The following LINGO2 variants were observed in gnomAD, a reference collection of about 807,000 sequenced individuals.
The protein encoded by LINGO2 is leucine rich repeat and Ig domain containing 2.
In LINGO2, 14 loss-of-function variants were observed where a neutral mutation model predicts 30.6. The ratio of observed to expected loss-of-function variants is 0.46; its 90% CI spans 0.30 to 0.72. The LOEUF (loss-of-function observed/expected upper bound fraction) is 0.72, where lower values mean the gene tolerates loss of function less well. LINGO2 is among the 30% of genes least tolerant of loss of function. The pLI, the probability that LINGO2 is intolerant of heterozygous loss-of-function variation, is 0.07. For missense variants in LINGO2, 729 were observed against 751.7 expected (o/e 0.97, Z 0.35); for synonymous variants, 317 against 288.5 (o/e 1.10, Z -1.00).
chr9:28,083,218 C>G (rs918306921), intron 4 of LINGO2, among the ~76,000 whole-genome samples: 3 of 152,160 alleles, frequency 2.0e-5, no homozygotes, highest in Non-Finnish European at 4.4e-5. Flanking sequence ...GGGCAGGAAG[C>G]CTGAGTGTTT....
the LINGO2 span, among the ~76,000 whole-genome samples, chr9:29,160,747 T>C: frequency 4.6e-5 from 7 of 152,226 alleles, no homozygotes; most frequent in Non-Finnish European, 1.0e-4. Context: ...TTGATAGTTT[T>C]ATAACACAGA....
chr9:28,294,344 T>C (rs2134180563), intron 4 of LINGO2, among the ~76,000 whole-genome samples: 1 of 152,342 alleles, frequency 6.6e-6, no homozygotes, highest in Non-Finnish European at 1.5e-5. Context: ...TCCATTGCTT[T>C]CTAAATAAAG....
At chr9:28,715,782 G>C in the LINGO2 span, among the ~76,000 whole-genome samples, 1 of 152,040 alleles carries the variant, frequency 6.6e-6, no homozygotes, top group Admixed American at 6.6e-5. Flanking sequence ...TTTGGCAGGA[G>C]TTGAAGAATA....
At chr9:28,227,812 T>C (rs951596336) in intron 4 of LINGO2, among the ~76,000 whole-genome samples, 4 of 151,958 alleles carry the variant, frequency 2.6e-5, no homozygotes, top group Admixed American at 1.3e-4. Context: ...ATATGTCTGA[T>C]AGTCAAAGGA....
intron 1 of LINGO2, among the ~76,000 whole-genome samples, chr9:28,606,839 T>A (rs1473789909): frequency 6.6e-6 from 1 of 152,096 alleles, no homozygotes; most frequent in African/African-American, 2.4e-5. Context: ...AGGAGGATTA[T>A]ATAAATGTTC....
intron 3 of LINGO2, among the ~76,000 whole-genome samples, chr9:28,317,443 GC>G (rs1452446184): frequency 1.3e-5 from 2 of 152,052 alleles, no homozygotes; most frequent in African/African-American, 4.8e-5. Flanking sequence ...TAAACATGTT[GC>G]TTTGTAACTT....
intron 4 of LINGO2, among the ~76,000 whole-genome samples, chr9:28,235,187 C>A (rs1233314983): frequency 6.6e-6 from 1 of 152,184 alleles, no homozygotes; most frequent in African/African-American, 2.4e-5. Context: ...GAGAGAGAAT[C>A]TCTACATTTG....
the LINGO2 span, among the ~76,000 whole-genome samples, chr9:28,793,995 C>A: frequency 6.6e-6 from 1 of 152,160 alleles, no homozygotes; most frequent in South Asian, 2.1e-4. Flanking sequence ...CAAAACCTCA[C>A]CATTGCTCTT....
intron 4 of LINGO2, among the ~76,000 whole-genome samples, chr9:28,119,309 T>C (rs1441203979): frequency 6.6e-6 from 1 of 152,158 alleles, no homozygotes; most frequent in African/African-American, 2.4e-5. Flanking sequence ...TGTATTTTAG[T>C]AGAGGTGGGG....
chr9:28,553,478 C>T (rs1822431245), intron 1 of LINGO2, among the ~76,000 whole-genome samples: 1 of 151,968 alleles, frequency 6.6e-6, no homozygotes, highest in Non-Finnish European at 1.5e-5. Context: ...AGCAAAGTCT[C>T]CAAGAAATAT....
At chr9:28,210,618 G>T (rs190735581) in intron 4 of LINGO2, among the ~76,000 whole-genome samples, 1 of 151,612 alleles carries the variant, frequency 6.6e-6, no homozygotes, top group East Asian at 1.9e-4. Flanking sequence ...TACTTAATGT[G>T]ACAGAATTAC....
At chr9:28,763,790 AAGAG>A in the LINGO2 span, among the ~76,000 whole-genome samples, 2 of 150,200 alleles carry the variant, frequency 1.3e-5, no homozygotes, top group East Asian at 1.9e-4. Context: ...TAATTAGAGG[AAGAG>A]AGAGAGAGAG....
chr9:28,224,087 C>T (rs966190864), intron 4 of LINGO2, among the ~76,000 whole-genome samples: 19 of 151,868 alleles, frequency 1.3e-4, no homozygotes, highest in South Asian at 4.1e-4. Flanking sequence ...TTTTCTGAGA[C>T]GGAGTCTCAC....
At chr9:28,510,511 G>C (rs1365872947) in intron 1 of LINGO2, among the ~76,000 whole-genome samples, 1 of 152,106 alleles carries the variant, frequency 6.6e-6, no homozygotes, top group African/African-American at 2.4e-5. Flanking sequence ...GGAGGAGAAG[G>C]AAGAGGAGGG....
At chr9:28,806,432 G>A in the LINGO2 span, among the ~76,000 whole-genome samples, 11 of 152,096 alleles carry the variant, frequency 7.2e-5, no homozygotes, top group African/African-American at 2.4e-4. Context: ...TCAGGGATTA[G>A]AAAAACCAAG....
At chr9:29,178,413 A>G in the LINGO2 span, among the ~76,000 whole-genome samples, 1 of 152,064 alleles carries the variant, frequency 6.6e-6, no homozygotes, top group Non-Finnish European at 1.5e-5. Context: ...TCATATATTT[A>G]TCTATCTATT....
At chr9:28,903,101 G>A in the LINGO2 span, among the ~76,000 whole-genome samples, 2,772 of 150,402 alleles carry the variant, frequency 0.018, 55 homozygotes, top group South Asian at 0.068. Context: ...TTTTTTTTGA[G>A]AAAGAAACAA....
At chr9:28,535,945 G>A (rs1821421287) in intron 1 of LINGO2, among the ~76,000 whole-genome samples, 1 of 152,196 alleles carries the variant, frequency 6.6e-6, no homozygotes. Context: ...AGCCAGACAA[G>A]AGAGCTGGAC....
chr9:28,480,885 G>T (rs143967224), intron 1 of LINGO2, among the ~76,000 whole-genome samples: 2 of 152,102 alleles, frequency 1.3e-5, no homozygotes, highest in African/African-American at 4.8e-5. Flanking sequence ...CTATTTCTAT[G>T]GCTCCAACCA....
Sources: gnomAD v4.1 joint callset for allele counts (sites outside exome capture counted in the v4.1 genomes callset) on GRCh38, gnomAD v4.1.1 for gene constraint, MANE v1.5 for transcripts, NCBI Gene and HGNC (gene_info 2026-07-23, HGNC 2026-07-21) for gene names.